USP12: variants seen among roughly 807,000 people sequenced by gnomAD.
USP12 encodes the protein ubiquitin specific peptidase 12.
USP12 carries 19 observed loss-of-function variants against 45.5 expected under a neutral mutation model. The observed-to-expected ratio is 0.42, with a 90% CI of 0.29 to 0.61. The LOEUF is 0.61. USP12 is among the 20% of genes least tolerant of loss of function. The pLI, the probability that USP12 is intolerant of heterozygous loss-of-function variation, is 0.22. For missense variants in USP12, 242 were observed against 447.7 expected, an observed-to-expected ratio of 0.54 and a Z score of 4.15; for synonymous variants, 149 against 148.8, an observed-to-expected ratio of 1.00 and a Z score of -0.01.
intron 1 of USP12, among the ~76,000 whole-genome samples, chr13:27,144,911 A>G (rs9507845): frequency 0.48 from 72,920 of 151,528 alleles, 18,922 homozygotes; most frequent in South Asian, 0.77. Context: ...AAAAGAAAAA[A>G]AAAAAATCAG....
chr13:27,101,182 T>C (rs758346746), intron 3 of USP12, among the ~76,000 whole-genome samples: 63 of 152,206 alleles, frequency 4.1e-4, no homozygotes, highest in Admixed American at 2.2e-3. Flanking sequence ...TAAGATTATT[T>C]GTAGTCCATT....
rs763559441 is a variant in USP12, at chr13:27,111,619, G to A, written c.129+4897C>T. 5.3e-5 allele frequency among the ~76,000 whole-genome samples: 8 copies of A among 151,960 alleles called. 1 individual carries two copies. The highest frequency in any genetic ancestry group is 3.9e-4 in the Admixed American group (6 of 15,264). ...TCCAAACCTTAACAAACATCCCACCGCAAGTATTTTTTATATACCTACTAC... is the reference window on the plus strand; with the variant it reads ...TCCAAACCTTAACAAACATCCCACCACAAGTATTTTTTATATACCTACTAC... On this transcript the variant is annotated intron_variant, in intron 2 of 8. Coordinates refer to ENST00000282344, the MANE Select transcript of USP12 (RefSeq NM_182488.4).
chr13:27,072,964 A>C (rs1873313373), intron 7 of USP12, among the ~76,000 whole-genome samples: 1 of 152,224 alleles, frequency 6.6e-6, no homozygotes, highest in Admixed American at 6.5e-5. Context: ...GTCTTTTATT[A>C]GTGAGCAAAT....
chr13:27,070,726 T>C (rs887793430), intron 8 of USP12, among the ~76,000 whole-genome samples: 2 of 152,132 alleles, frequency 1.3e-5, no homozygotes, highest in African/African-American at 2.4e-5. Context: ...GCTAATTTTG[T>C]ATTTTTAGGA....
chr13:27,069,079 C>G lies in USP12; in HGVS notation c.*204G>C, dbSNP rs1873119232. 1.7e-6 allele frequency: 1 copy of G among 599,172 alleles called. No individual in the cohort carries two copies. 37.1% of individuals were successfully genotyped at this position (599,172 alleles called of 1,614,324 possible). A position where few individuals can be genotyped will look rare whatever the true frequency, so the allele number is the denominator to read the frequency against. On this transcript the variant is annotated 3_prime_UTR_variant, in exon 9 of 9. Coordinates refer to ENST00000282344, the MANE Select transcript of USP12 (RefSeq NM_182488.4). ...TCCTTGTTGTATGGAACTGTACAGACAGCATGATACCTGAGCAAATAAATC... is the reference window on the plus strand; with the variant it reads ...TCCTTGTTGTATGGAACTGTACAGAGAGCATGATACCTGAGCAAATAAATC...
intron 6 of USP12, among the ~76,000 whole-genome samples, chr13:27,083,644 T>G (rs80045229): frequency 0.019 from 2,925 of 152,276 alleles, 67 homozygotes; most frequent in African/African-American, 0.05. Flanking sequence ...CAGAGTTCAA[T>G]AGGCATGCTA....
At chr13:27,121,211 A>C (rs1489468670) in intron 1 of USP12, among the ~76,000 whole-genome samples, 1 of 152,152 alleles carries the variant, frequency 6.6e-6, no homozygotes, top group African/African-American at 2.4e-5. Flanking sequence ...AGGAGTAGAG[A>C]CAGGGAGAAA....
chr13:27,134,826 A>C (rs1034652627), intron 1 of USP12, among the ~76,000 whole-genome samples: 7 of 152,166 alleles, frequency 4.6e-5, no homozygotes, highest in African/African-American at 1.7e-4. Context: ...AAAATTGTCA[A>C]TATTATAGAA....
intron 1 of USP12, among the ~76,000 whole-genome samples, chr13:27,166,858 C>A (rs1033232996): frequency 6.6e-6 from 1 of 152,152 alleles, no homozygotes; most frequent in Non-Finnish European, 1.5e-5. Context: ...CCCTAGTACC[C>A]TACCACTATG....
At chr13:27,144,998 T>C (rs988886228) in intron 1 of USP12, among the ~76,000 whole-genome samples, 2 of 152,026 alleles carry the variant, frequency 1.3e-5, no homozygotes, top group South Asian at 2.1e-4. Flanking sequence ...GCCCAGGATG[T>C]CGAGGCTGCA....
chr13:27,171,184 G>C (rs552628336), intron 1 of USP12, among the ~76,000 whole-genome samples: 1 of 149,694 alleles, frequency 6.7e-6, no homozygotes, highest in Non-Finnish European at 1.5e-5. Flanking sequence ...ACCCCGGCCC[G>C]GGGCCGCGCT....
At chr13:27,144,204 A>G (rs1261149715) in intron 1 of USP12, among the ~76,000 whole-genome samples, 1 of 152,042 alleles carries the variant, frequency 6.6e-6, no homozygotes, top group Admixed American at 6.5e-5. Context: ...GACTCCCAAA[A>G]AAAAAAAGTG....
chr13:27,113,064 T>C (rs866540644), intron 2 of USP12, among the ~76,000 whole-genome samples: 1 of 152,014 alleles, frequency 6.6e-6, no homozygotes, highest in Non-Finnish European at 1.5e-5. Context: ...TGAGACCCCA[T>C]CTCTACAAAA....
chr13:27,109,731 T>C (rs944085439), intron 2 of USP12, among the ~76,000 whole-genome samples: 14 of 151,788 alleles, frequency 9.2e-5, no homozygotes, highest in Non-Finnish European at 7.4e-5. Flanking sequence ...CTGGCCAACA[T>C]GGTGAAACCC....
intron 1 of USP12, among the ~76,000 whole-genome samples, chr13:27,141,798 A>G (rs543700636): frequency 7.0e-4 from 106 of 152,310 alleles, no homozygotes; most frequent in African/African-American, 2.5e-3. Context: ...CTGAACTCCA[A>G]AATGTTCCAA....
At chr13:27,122,256 C>T (rs550902775) in intron 1 of USP12, among the ~76,000 whole-genome samples, 2 of 152,298 alleles carry the variant, frequency 1.3e-5, no homozygotes, top group East Asian at 3.9e-4. Flanking sequence ...TTCCCCCATA[C>T]TGTTCTCGTG....
chr13:27,155,101 A>G (rs1877764180), intron 1 of USP12, among the ~76,000 whole-genome samples: 1 of 56,104 alleles, frequency 1.8e-5, no homozygotes, highest in African/African-American at 7.8e-5. Flanking sequence ...TTTTTTTTTG[A>G]GACGGAACCT....
chr13:27,135,208 T>G (rs1226891309), intron 1 of USP12, among the ~76,000 whole-genome samples: 1 of 152,008 alleles, frequency 6.6e-6, no homozygotes, highest in Non-Finnish European at 1.5e-5. Flanking sequence ...AATCAATAGC[T>G]GAAGGCAGAG....
chr13:27,109,924 A>AAAAG (rs1402588439), intron 2 of USP12, among the ~76,000 whole-genome samples: 21 of 151,078 alleles, frequency 1.4e-4, no homozygotes, highest in Non-Finnish European at 2.2e-4. Context: ...AAAAAAAAAA[A>AAAAG]AAGTCATCTT....
Sources: allele counts gnomAD v4.1 joint callset (sites outside exome capture counted in the v4.1 genomes callset), GRCh38; gene constraint gnomAD v4.1.1; transcripts MANE v1.5; gene names NCBI Gene and HGNC (gene_info 2026-07-23, HGNC 2026-07-21).